The following IL1RAPL2 variants were observed in gnomAD, a reference collection of about 807,000 sequenced individuals.
IL1RAPL2 encodes the protein X-linked interleukin-1 receptor accessory protein-like 2.
IL1RAPL2 carries 3 observed loss-of-function variants against 44.1 expected under a neutral mutation model. The ratio of observed to expected loss-of-function variants is 0.07; its 90% CI spans 0.03 to 0.18. The LOEUF (loss-of-function observed/expected upper bound fraction) is 0.18. Ranked by LOEUF, IL1RAPL2 falls within the 10% of genes least tolerant of loss-of-function variation. IL1RAPL2 has a pLI of 1.00. For synonymous variants in IL1RAPL2, 181 were observed against 178.8 expected, an observed-to-expected ratio of 1.01 and a Z score of -0.10; for missense variants, 391 against 496.4, an observed-to-expected ratio of 0.79 and a Z score of 2.02.
chrX:105,454,395 T>C (rs2036040884), intron 5 of IL1RAPL2, among the ~76,000 whole-genome samples: 1 of 111,309 alleles, frequency 9.0e-6, no homozygotes, highest in Admixed American at 9.6e-5. Context: ...TATCTCCATA[T>C]CCCTTGGTCC....
chrX:105,405,667 C>A, intron 5 of IL1RAPL2: 1 of 1,102,491 alleles, frequency 9.1e-7, no homozygotes, highest in Non-Finnish European at 1.3e-6. Context: ...TGACCCTGTT[C>A]CTGAAAGGCA....
At chrX:105,273,210 G>C (rs940119525) in intron 5 of IL1RAPL2, among the ~76,000 whole-genome samples, 3 of 111,129 alleles carry the variant, frequency 2.7e-5, no homozygotes, top group Non-Finnish European at 5.7e-5. Context: ...TTCTCATTTA[G>C]TCCTCACAAC....
chrX:105,080,808 A>G (rs975582826), intron 2 of IL1RAPL2, among the ~76,000 whole-genome samples: 1 of 111,991 alleles, frequency 8.9e-6, no homozygotes, highest in East Asian at 2.8e-4. Flanking sequence ...TACTTTGGTC[A>G]GTATGGCCGT....
intron 2 of IL1RAPL2, among the ~76,000 whole-genome samples, chrX:104,951,038 C>G (rs781692374): frequency 8.9e-6 from 1 of 111,819 alleles, no homozygotes; most frequent in East Asian, 2.8e-4. Flanking sequence ...TGCTTCGGCT[C>G]GCTCAGGGTG....
intron 2 of IL1RAPL2, among the ~76,000 whole-genome samples, chrX:104,666,129 TAGAGAG>T (rs1013362435): frequency 9.3e-6 from 1 of 107,963 alleles, no homozygotes; most frequent in African/African-American, 3.4e-5. Flanking sequence ...GTCTGAGACA[TAGAGAG>T]AGAGAGAGAT....
chrX:105,220,499 G>A (rs908355767), intron 3 of IL1RAPL2: 11 of 785,573 alleles, frequency 1.4e-5, no homozygotes, highest in Admixed American at 4.1e-5. Flanking sequence ...ATCTTCTCCC[G>A]CCCTCTTGTC....
chrX:104,646,445 G>A (rs1930042309), intron 1 of IL1RAPL2, among the ~76,000 whole-genome samples: 1 of 110,819 alleles, frequency 9.0e-6, no homozygotes, highest in South Asian at 3.9e-4. Flanking sequence ...TTTCTACATA[G>A]AGAATGTTGT....
At chrX:104,849,152 C>G (rs1922151963) in intron 2 of IL1RAPL2, among the ~76,000 whole-genome samples, 1 of 107,457 alleles carries the variant, frequency 9.3e-6, no homozygotes, top group Admixed American at 1.0e-4. Flanking sequence ...ACCTCAGACT[C>G]CTGAGTAGCT....
intron 6 of IL1RAPL2, among the ~76,000 whole-genome samples, chrX:105,505,959 A>G (rs1316058442): frequency 9.0e-6 from 1 of 111,505 alleles, no homozygotes. Context: ...TTTGAGATGA[A>G]GTAAGATTAA....
intron 2 of IL1RAPL2, among the ~76,000 whole-genome samples, chrX:105,172,694 A>AT (rs2033434786): frequency 9.0e-6 from 1 of 111,546 alleles, no homozygotes; most frequent in African/African-American, 3.3e-5. Flanking sequence ...TGCCCATGTG[A>AT]TTAGGTCAGG....
intron 2 of IL1RAPL2, among the ~76,000 whole-genome samples, chrX:104,939,042 C>A (rs1432855355): frequency 3.5e-5 from 3 of 86,814 alleles, no homozygotes. Context: ...ATCAACAATG[C>A]ATGCTAGCTT....
At chrX:105,605,863 C>T (rs759793724) in intron 6 of IL1RAPL2, among the ~76,000 whole-genome samples, 139 of 111,170 alleles carry the variant, frequency 1.3e-3, no homozygotes, top group Admixed American at 0.011. Context: ...ACAGTCTCTT[C>T]AATAAATGGT....
At chrX:104,960,947 A>C (rs188637298) in intron 2 of IL1RAPL2, among the ~76,000 whole-genome samples, 43 of 111,768 alleles carry the variant, frequency 3.8e-4, no homozygotes, top group African/African-American at 1.3e-3. Flanking sequence ...TTCCTTGACA[A>C]GTTGCCTATT....
At chrX:105,159,142 A>G (rs368383785) in intron 2 of IL1RAPL2, among the ~76,000 whole-genome samples, 12 of 112,756 alleles carry the variant, frequency 1.1e-4, no homozygotes, top group Admixed American at 1.9e-4. Flanking sequence ...TTGGAGATGA[A>G]TAAATTAAGC....
intron 5 of IL1RAPL2, chrX:105,406,993 G>T: frequency 9.2e-7 from 1 of 1,091,867 alleles, no homozygotes; most frequent in Non-Finnish European, 1.3e-6. Context: ...CGTGAAGGGA[G>T]CTGTGTTTGA....
intron 2 of IL1RAPL2, among the ~76,000 whole-genome samples, chrX:105,119,762 G>A (rs2032902190): frequency 9.0e-6 from 1 of 111,211 alleles, no homozygotes; most frequent in Non-Finnish European, 1.9e-5. Context: ...TGTAAGCAAT[G>A]TAGTTTAAAC....
intron 2 of IL1RAPL2, among the ~76,000 whole-genome samples, chrX:104,890,169 G>A (rs904543213): frequency 4.5e-5 from 5 of 112,010 alleles, no homozygotes; most frequent in African/African-American, 1.3e-4. Flanking sequence ...TGGTGTATAT[G>A]TCCCACATTT....
At chrX:104,777,725 C>T (rs1017412910) in intron 2 of IL1RAPL2, among the ~76,000 whole-genome samples, 9 of 109,398 alleles carry the variant, frequency 8.2e-5, no homozygotes, top group Non-Finnish European at 1.1e-4. Context: ...TACAGGCTCC[C>T]GCCACCATGC....
At chrX:104,822,848 A>G (rs1185303102) in intron 2 of IL1RAPL2, among the ~76,000 whole-genome samples, 1 of 111,476 alleles carries the variant, frequency 9.0e-6, no homozygotes, top group African/African-American at 3.3e-5. Flanking sequence ...TACTTTGGGC[A>G]GTATGGCCAT....
Sources: allele counts gnomAD v4.1 joint callset (sites outside exome capture counted in the v4.1 genomes callset), GRCh38; gene constraint gnomAD v4.1.1; transcripts MANE v1.5; gene names NCBI Gene and HGNC (gene_info 2026-07-23, HGNC 2026-07-21).